The following CDH13 variants were observed in gnomAD, a reference collection of about 807,000 sequenced individuals.
The protein encoded by CDH13 is cadherin 13.
A neutral mutation model predicts 63.8 loss-of-function variants in CDH13; 24 were observed. The observed-to-expected ratio is 0.38, with a 90% CI of 0.27 to 0.53. The LOEUF (loss-of-function observed/expected upper bound fraction) is 0.53, where lower values mean the gene tolerates loss of function less well. Ranked by LOEUF, CDH13 falls within the 20% of genes least tolerant of loss-of-function variation. CDH13 has a pLI of 0.85. For missense variants in CDH13, 1,049 were observed against 903.1 expected (o/e 1.16, Z -2.07); for synonymous variants, 503 against 355.3 (o/e 1.42, Z -4.67).
At chr16:82,988,460 C>T (rs74249081) in intron 2 of CDH13, among the ~76,000 whole-genome samples, 14,114 of 151,858 alleles carry the variant, frequency 0.093, 761 homozygotes, top group African/African-American at 0.15. Context: ...GAGCTGAAAA[C>T]GTCCATAGAC....
chr16:82,856,592 C>T (rs1391538985), intron 1 of CDH13, among the ~76,000 whole-genome samples: 1 of 139,358 alleles, frequency 7.2e-6, no homozygotes, highest in Admixed American at 7.7e-5. Context: ...GTCTCAGCTA[C>T]TTGGGAGGCT....
At chr16:83,543,927 A>G (rs2075337687) in intron 7 of CDH13, among the ~76,000 whole-genome samples, 1 of 152,208 alleles carries the variant, frequency 6.6e-6, no homozygotes, top group Admixed American at 6.5e-5. Flanking sequence ...GAGCCACCCC[A>G]TCAGTGACAC....
At chr16:83,313,844 C>G (rs2151888107) in intron 5 of CDH13, among the ~76,000 whole-genome samples, 1 of 152,236 alleles carries the variant, frequency 6.6e-6, no homozygotes, top group East Asian at 1.9e-4. Context: ...TAAACTGATC[C>G]TGTCTTAATG....
chr16:83,434,568 T>A (rs1387697602), intron 6 of CDH13, among the ~76,000 whole-genome samples: 1 of 151,578 alleles, frequency 6.6e-6, no homozygotes, highest in African/African-American at 2.4e-5. Flanking sequence ...ACTCCCTCCA[T>A]CTCAAACTCA....
intron 6 of CDH13, among the ~76,000 whole-genome samples, chr16:83,431,001 T>G (rs540106103): frequency 8.1e-6 from 1 of 123,464 alleles, no homozygotes; most frequent in South Asian, 2.9e-4. Context: ...CAAAGTGTGA[T>G]GTTCCCCTTC....
intron 7 of CDH13, among the ~76,000 whole-genome samples, chr16:83,512,973 G>T (rs1315871279): frequency 6.6e-6 from 1 of 151,752 alleles, no homozygotes; most frequent in Non-Finnish European, 1.5e-5. Flanking sequence ...CCCTGGTCCT[G>T]GGCAGTCAGC....
At chr16:83,054,579 A>G (rs537547414) in intron 3 of CDH13, among the ~76,000 whole-genome samples, 1 of 152,270 alleles carries the variant, frequency 6.6e-6, no homozygotes, top group South Asian at 2.1e-4. Flanking sequence ...AAACTTACAA[A>G]TTATTTCTTT....
chr16:82,643,253 C>G (rs569413162), intron 1 of CDH13, among the ~76,000 whole-genome samples: 1 of 152,302 alleles, frequency 6.6e-6, no homozygotes, highest in African/African-American at 2.4e-5. Context: ...GGAAAACAAG[C>G]AAACCTTGGG....
intron 1 of CDH13, among the ~76,000 whole-genome samples, chr16:82,793,500 G>A (rs1597602745): frequency 1.3e-5 from 2 of 152,008 alleles, no homozygotes; most frequent in African/African-American, 4.8e-5. Flanking sequence ...GATTGAGTTC[G>A]GTACCTCAAG....
Position 83,023,602 on chromosome 16 carries a change from T to C in CDH13, c.158-8408T>C, listed in dbSNP as rs116243395. On this transcript the variant is annotated intron_variant, in intron 2 of 13. Transcript: ENST00000567109. ...TCATTCTGAGCCACCCAGGAAGTTG[T>C]CTCTATAGAAACAAGCATTTTTTAA... 3.1e-3 allele frequency among the ~76,000 whole-genome samples: 476 copies of C among 152,272 alleles called. 2 individuals carry two copies. Among genetic ancestry groups the C allele is most frequent in the African/African-American group, 0.011 (456 of 41,560 alleles).
At chr16:83,353,757 C>G (rs1723387428) in intron 6 of CDH13, among the ~76,000 whole-genome samples, 1 of 152,206 alleles carries the variant, frequency 6.6e-6, no homozygotes, top group African/African-American at 2.4e-5. Flanking sequence ...TGCCCATCAC[C>G]CATGCTCATA....
intron 2 of CDH13, among the ~76,000 whole-genome samples, chr16:82,911,784 C>T (rs908891196): frequency 3.3e-5 from 5 of 152,106 alleles, no homozygotes; most frequent in African/African-American, 1.2e-4. Flanking sequence ...CACCTATGCC[C>T]CAGGCTCCTG....
At chr16:83,086,740 T>C (rs1024112667) in intron 3 of CDH13, among the ~76,000 whole-genome samples, 1 of 152,162 alleles carries the variant, frequency 6.6e-6, no homozygotes, top group Admixed American at 6.5e-5. Flanking sequence ...ATAATATTGC[T>C]GCTAAGAATG....
chr16:82,823,130 G>A (rs1408273865), intron 1 of CDH13: 2 of 152,220 alleles, frequency 1.3e-5, no homozygotes, highest in Non-Finnish European at 2.9e-5. Flanking sequence ...GAGAGAGGCT[G>A]GACAAGCTGT....
intron 2 of CDH13, among the ~76,000 whole-genome samples, chr16:82,905,813 G>A (rs150204035): frequency 9.2e-5 from 14 of 152,022 alleles, no homozygotes; most frequent in African/African-American, 3.4e-4. Context: ...TGCACTTGTG[G>A]CATGTCTCGA....
intron 1 of CDH13, among the ~76,000 whole-genome samples, chr16:82,709,137 A>G (rs549911103): frequency 2.6e-5 from 4 of 152,200 alleles, no homozygotes; most frequent in Non-Finnish European, 5.9e-5. Context: ...CTCCAATTCT[A>G]TCCAGTTTTC....
intron 5 of CDH13, among the ~76,000 whole-genome samples, chr16:83,266,983 T>C (rs902368605): frequency 2.0e-5 from 3 of 152,346 alleles, no homozygotes; most frequent in Non-Finnish European, 2.9e-5. Context: ...ACAGGAGTTA[T>C]GACTGTTGTT....
intron 6 of CDH13, among the ~76,000 whole-genome samples, chr16:83,484,652 C>T (rs941807328): frequency 6.6e-5 from 10 of 152,202 alleles, no homozygotes; most frequent in Non-Finnish European, 1.5e-4. Flanking sequence ...CATGCCAAAT[C>T]CCAATCCCCT....
At chr16:82,790,973 C>T (rs755691251) in intron 1 of CDH13, among the ~76,000 whole-genome samples, 9 of 152,224 alleles carry the variant, frequency 5.9e-5, no homozygotes, top group East Asian at 1.9e-4. Flanking sequence ...CCTGGTGGCT[C>T]ACGCCTGTAA....
Sources: gnomAD v4.1 joint callset for allele counts (sites outside exome capture counted in the v4.1 genomes callset) on GRCh38, gnomAD v4.1.1 for gene constraint, MANE v1.5 for transcripts, NCBI Gene and HGNC (gene_info 2026-07-23, HGNC 2026-07-21) for gene names.